The following ANKRD11 variants were observed in gnomAD, a reference collection of about 807,000 sequenced individuals.
ANKRD11 encodes the protein ankyrin repeat domain 11.
Under a neutral mutation model 195.7 loss-of-function variants are expected in ANKRD11, and 17 were observed. The observed-to-expected ratio is 0.09, with a 90% CI of 0.06 to 0.13. The LOEUF (loss-of-function observed/expected upper bound fraction) is 0.13, where lower values mean the gene tolerates loss of function less well. ANKRD11 is among the 10% of genes least tolerant of loss of function. The pLI is 1.00. For synonymous variants in ANKRD11, 1,953 were observed against 1,528.1 expected (o/e 1.28, Z -6.49); for missense variants, 3,735 against 3,566.1 (o/e 1.05, Z -1.21).
intron 2 of ANKRD11, among the ~76,000 whole-genome samples, chr16:89,377,030 T>C (rs1405610602): frequency 6.6e-6 from 1 of 152,252 alleles, no homozygotes; most frequent in Non-Finnish European, 1.5e-5. Context: ...CTTCCATTGA[T>C]GCTTTGTCCG....
At chr16:89,382,111 C>T (rs560452753) in intron 2 of ANKRD11, among the ~76,000 whole-genome samples, 19 of 152,126 alleles carry the variant, frequency 1.2e-4, no homozygotes, top group Non-Finnish European at 2.1e-4. Flanking sequence ...GCGAGGGGGA[C>T]GCGGCCTCCC....
At chr16:89,418,447 T>C (rs549786767) in intron 1 of ANKRD11, 79 bp from the exon 2 acceptor site, 69 of 398,534 alleles carry the variant, frequency 1.7e-4, no homozygotes, top group Non-Finnish European at 3.2e-4. Context: ...TCTCCCTCCA[T>C]TTGGTCCACA....
At position 89,280,146 on chromosome 16, in the gene ANKRD11, G is replaced by C. The variant is rs746753076; in HGVS notation, c.6396C>G (p.Asp2132Glu). 5 of 1,610,896 alleles carry C rather than the reference G, an allele frequency of 3.1e-6. No individual in the cohort carries two copies. In the Admixed American group the frequency reaches 8.4e-5, roughly 27 times the overall value. Reference sequence around the variant, plus strand: ...GCTCCGGCAGGGAGAAGGGCCCCAGGTCCAGGTCGTCCTCGGGGCCGGCGA... The same window carrying C: ...GCTCCGGCAGGGAGAAGGGCCCCAGCTCCAGGTCGTCCTCGGGGCCGGCGA... ...DAFAGPEDDL[D>E]LGPFSLPELP... is the part of the protein sequence containing the mutation. Residue 2132 changes from aspartate to glutamate, a missense_variant, in exon 9 of 13, where the codon GAC becomes GAG. By Grantham distance (45) the Asp-to-Glu change is conservative. Transcript: ENST00000301030.
chr16:89,404,330 G>C (rs2041823277), intron 2 of ANKRD11, among the ~76,000 whole-genome samples: 1 of 152,162 alleles, frequency 6.6e-6, no homozygotes, highest in Non-Finnish European at 1.5e-5. Context: ...AAGGAAAATG[G>C]AAGTGCAGGA....
At chr16:89,287,079 C>A in intron 7 of ANKRD11, 6 of 1,289,830 alleles carry the variant, frequency 4.7e-6, no homozygotes, top group Non-Finnish European at 6.1e-6. Context: ...AAGGTGCTGG[C>A]AGGGCAGGAT....
chr16:89,457,160 C>T (rs987790308), intron 1 of ANKRD11, among the ~76,000 whole-genome samples: 1 of 150,334 alleles, frequency 6.7e-6, no homozygotes, highest in Non-Finnish European at 1.5e-5. Flanking sequence ...GGGGTTTCAC[C>T]GTTTTAGCCG....
At chr16:89,304,535 G>A (rs2036053858) in intron 4 of ANKRD11, among the ~76,000 whole-genome samples, 1 of 147,206 alleles carries the variant, frequency 6.8e-6, no homozygotes, top group Admixed American at 6.8e-5. Context: ...CACACACATG[G>A]GTACACACAA....
At chr16:89,369,245 C>T (rs924389505) in intron 2 of ANKRD11, among the ~76,000 whole-genome samples, 4 of 151,764 alleles carry the variant, frequency 2.6e-5, no homozygotes, top group South Asian at 4.2e-4. Context: ...GGCAGTGCAG[C>T]GACCTACACC....
At chr16:89,475,477 A>G (rs1008644558) in intron 1 of ANKRD11, among the ~76,000 whole-genome samples, 2 of 152,212 alleles carry the variant, frequency 1.3e-5, no homozygotes, top group African/African-American at 4.8e-5. Flanking sequence ...ATTATTCTCT[A>G]TTAAAATGAA....
intron 2 of ANKRD11, among the ~76,000 whole-genome samples, chr16:89,403,095 C>T (rs918835585): frequency 6.6e-5 from 10 of 152,194 alleles, no homozygotes; most frequent in South Asian, 2.1e-4. Context: ...CATCACTGCA[C>T]GTGGACACAT....
rs1567581804 is a variant in ANKRD11, at chr16:89,285,109, GAGC to G, written c.1430_1432del (p.Cys477del). The G allele has an allele frequency of 5.0e-6, 8 of 1,613,748 alleles. No individual in the cohort carries two copies. Among genetic ancestry groups the G allele is most frequent in the Non-Finnish European group, 6.8e-6 (8 of 1,180,044 alleles). The stretch of plus-strand genomic sequence containing the variant: ...TGAGGACTCGCTCTCCGACTCCGAG[GAGC>G]AGAACTTGTCGCTCCGCTTTCCGAA... On this transcript the variant is annotated inframe_deletion, in exon 9 of 13. Transcript: ENST00000301030. This position sits in a 1 kb window ranked among gnomAD's most constrained non-coding sequence, Gnocchi z 5.6.
chr16:89,332,716 C>G (rs1443246662), intron 2 of ANKRD11, among the ~76,000 whole-genome samples: 1 of 152,224 alleles, frequency 6.6e-6, no homozygotes, highest in Non-Finnish European at 1.5e-5. Context: ...AGGGCCTGGT[C>G]TGCACTGCCC....
At chr16:89,399,809 CT>C (rs56168904) in intron 2 of ANKRD11, among the ~76,000 whole-genome samples, 138,996 of 152,172 alleles carry the variant, frequency 0.91, 63,676 homozygotes, top group Middle Eastern at 0.99. Flanking sequence ...ATAAAGTCTA[CT>C]TTTTTTAAAG....
chr16:89,354,840 T>C (rs2039396264), intron 2 of ANKRD11, among the ~76,000 whole-genome samples: 2 of 151,234 alleles, frequency 1.3e-5, no homozygotes, highest in Admixed American at 6.6e-5. Flanking sequence ...TGAGCCGAGA[T>C]CACACCTCTG....
chr16:89,422,648 C>A (rs891980901), intron 1 of ANKRD11, among the ~76,000 whole-genome samples: 12 of 152,344 alleles, frequency 7.9e-5, no homozygotes, highest in African/African-American at 2.6e-4. Context: ...ACTCACTGCT[C>A]TCGACGAACA....
At chr16:89,268,871 G>A (rs917333144) in intron 12 of ANKRD11, among the ~76,000 whole-genome samples, 11 of 152,200 alleles carry the variant, frequency 7.2e-5, no homozygotes, top group African/African-American at 2.4e-4. Flanking sequence ...CCCCATAACC[G>A]CTGTCTATGC....
chr16:89,360,239 G>A (rs888040324), intron 2 of ANKRD11, among the ~76,000 whole-genome samples: 1 of 152,130 alleles, frequency 6.6e-6, no homozygotes, highest in Non-Finnish European at 1.5e-5. Flanking sequence ...ACATGATCTC[G>A]TTCATTTTTA....
chr16:89,411,401 C>T (rs774709396), intron 2 of ANKRD11, among the ~76,000 whole-genome samples: 72 of 152,220 alleles, frequency 4.7e-4, no homozygotes, highest in Non-Finnish European at 9.3e-4. Context: ...ATCTTGCTGT[C>T]GAGATGGTCT....
chr16:89,390,466 A>G (rs186651005), intron 2 of ANKRD11, among the ~76,000 whole-genome samples: 10 of 152,284 alleles, frequency 6.6e-5, no homozygotes, highest in Non-Finnish European at 1.2e-4. Context: ...AAGGAGGTGG[A>G]GGGCAGAAAA....
Sources: allele counts gnomAD v4.1 joint callset (sites outside exome capture counted in the v4.1 genomes callset), GRCh38; gene constraint gnomAD v4.1.1; non-coding constraint Gnocchi (gnomAD v3.1); transcripts MANE v1.5; gene names NCBI Gene and HGNC (gene_info 2026-07-23, HGNC 2026-07-21).